The following CD99L2 variants were observed in gnomAD, a reference collection of about 807,000 sequenced individuals.
The protein encoded by CD99L2 is CD99 molecule like 2.
CD99L2 carries 24 observed loss-of-function variants against 27.3 expected under a neutral mutation model. The ratio of observed to expected loss-of-function variants is 0.88; its 90% CI spans 0.64 to 1.24. The LOEUF (loss-of-function observed/expected upper bound fraction) is 1.24, where lower values mean the gene tolerates loss of function less well. CD99L2 is among the 50% of genes most tolerant of loss of function. CD99L2 has a pLI of 0.00. For missense variants in CD99L2, 255 were observed against 221.6 expected, an observed-to-expected ratio of 1.15 and a Z score of -0.96; for synonymous variants, 97 against 87.9, an observed-to-expected ratio of 1.10 and a Z score of -0.58.
chrX:150,831,089 G>A (rs781837375), intron 2 of CD99L2, 142 bp downstream of exon 2: 18 of 482,024 alleles, frequency 3.7e-5, no homozygotes, highest in South Asian at 3.1e-4. Context: ...GATTACAGGC[G>A]TGAGCTACCG....
At chrX:150,882,362 G>A (rs1603317505) in intron 1 of CD99L2, among the ~76,000 whole-genome samples, 1 of 112,368 alleles carries the variant, frequency 8.9e-6, no homozygotes, top group South Asian at 3.7e-4. Flanking sequence ...CAAATATTAT[G>A]TACAAAGATA....
chrX:150,887,737 A>G (rs1557422669), intron 1 of CD99L2, among the ~76,000 whole-genome samples: 1 of 111,753 alleles, frequency 8.9e-6, no homozygotes, highest in East Asian at 2.8e-4. Flanking sequence ...CAGCTGATCC[A>G]TCCCCCGCTC....
intron 2 of CD99L2, among the ~76,000 whole-genome samples, chrX:150,820,988 A>T (rs1377901857): frequency 2.7e-5 from 3 of 112,370 alleles, no homozygotes; most frequent in Non-Finnish European, 5.6e-5. Flanking sequence ...CATGTACACT[A>T]AAAGTTACAA....
At chrX:150,772,375 CTG>C (rs1557419124) in intron 9 of CD99L2, among the ~76,000 whole-genome samples, 1 of 112,819 alleles carries the variant, frequency 8.9e-6, no homozygotes, top group African/African-American at 3.2e-5. Flanking sequence ...CTGGGAGAGG[CTG>C]CTCCAGGCCT....
At chrX:150,831,554 C>G (rs1194254312) in intron 1 of CD99L2, among the ~76,000 whole-genome samples, 3 of 111,063 alleles carry the variant, frequency 2.7e-5, no homozygotes, top group Non-Finnish European at 5.7e-5. Flanking sequence ...GATGAGAACA[C>G]ATGAACACAT....
intron 4 of CD99L2, among the ~76,000 whole-genome samples, chrX:150,814,212 C>G (rs781927335): frequency 1.6e-4 from 18 of 112,395 alleles, no homozygotes; most frequent in Non-Finnish European, 2.3e-4. Context: ...ACCAAGTGTG[C>G]AAAGTTCACT....
chrX:150,855,419 A>G (rs782358327), intron 1 of CD99L2, among the ~76,000 whole-genome samples: 50 of 111,887 alleles, frequency 4.5e-4, no homozygotes, highest in Middle Eastern at 4.6e-3. Flanking sequence ...ACTTACAGTC[A>G]TGGTGGTAGG....
intron 4 of CD99L2, among the ~76,000 whole-genome samples, chrX:150,801,636 T>C (rs2045908964): frequency 9.0e-6 from 1 of 110,503 alleles, no homozygotes; most frequent in Admixed American, 9.6e-5. Context: ...AAAAAAAACA[T>C]ATAGACTAAT....
chrX:150,780,819 G>T (rs183506830), intron 7 of CD99L2, among the ~76,000 whole-genome samples: 189 of 112,408 alleles, frequency 1.7e-3, no homozygotes, highest in African/African-American at 5.9e-3. Context: ...ATAGCATTTT[G>T]CTCTGAACAA....
At chrX:150,825,351 T>C (rs2046352836) in intron 2 of CD99L2, among the ~76,000 whole-genome samples, 1 of 112,468 alleles carries the variant, frequency 8.9e-6, no homozygotes, top group African/African-American at 3.2e-5. Flanking sequence ...ATTTTCAGAC[T>C]CTCAATTCTA....
intron 8 of CD99L2, chrX:150,777,135 G>C (rs190705430): frequency 2.6e-4 from 85 of 332,947 alleles, no homozygotes; most frequent in Middle Eastern, 8.5e-4. Context: ...TGTATCAGGG[G>C]AGCAGAGGGA....
chrX:150,888,767 G>C (rs1603323338), intron 1 of CD99L2, among the ~76,000 whole-genome samples: 5 of 111,677 alleles, frequency 4.5e-5, no homozygotes. Context: ...GCCACATTTG[G>C]GTGTTCCAGT....
chrX:150,785,542 C>T (rs1308387944), intron 7 of CD99L2, among the ~76,000 whole-genome samples: 1 of 111,441 alleles, frequency 9.0e-6, no homozygotes, highest in Admixed American at 9.6e-5. Context: ...AAATCTTCCA[C>T]GTACCAGTGG....
At chrX:150,828,087 G>T (rs2046391273) in intron 2 of CD99L2, among the ~76,000 whole-genome samples, 1 of 111,716 alleles carries the variant, frequency 9.0e-6, no homozygotes, top group Non-Finnish European at 1.9e-5. Context: ...TTTCAAGATT[G>T]TTTGGCTATT....
chrX:150,883,112 C>A (rs1446944635), intron 1 of CD99L2, among the ~76,000 whole-genome samples: 1 of 112,228 alleles, frequency 8.9e-6, no homozygotes, highest in African/African-American at 3.2e-5. Flanking sequence ...TCGCTTGAAG[C>A]CGGGAGGCGG....
At chrX:150,865,188 G>A (rs782119028) in intron 1 of CD99L2, among the ~76,000 whole-genome samples, 2 of 111,256 alleles carry the variant, frequency 1.8e-5, no homozygotes, top group Admixed American at 9.6e-5. Flanking sequence ...GGATAAAGGG[G>A]AATATAATGT....
At chrX:150,828,458 C>G (rs1289050713) in intron 2 of CD99L2, 1 of 111,414 alleles carries the variant, frequency 9.0e-6, no homozygotes, top group African/African-American at 3.3e-5. Flanking sequence ...GGTGACAGTT[C>G]AGAAGTGGCA....
At chrX:150,854,282 C>T (rs1557421674) in intron 1 of CD99L2, among the ~76,000 whole-genome samples, 1 of 111,608 alleles carries the variant, frequency 9.0e-6, no homozygotes, top group East Asian at 2.8e-4. Context: ...CTGAAATTAT[C>T]CTGTCTGTTT....
At chrX:150,865,356 G>T (rs2047044856) in intron 1 of CD99L2, among the ~76,000 whole-genome samples, 1 of 110,311 alleles carries the variant, frequency 9.1e-6, no homozygotes, top group East Asian at 2.9e-4. Context: ...AATTAGCCAG[G>T]CATGGCAGGG....
Sources: gnomAD v4.1 joint callset for allele counts (sites outside exome capture counted in the v4.1 genomes callset) on GRCh38, gnomAD v4.1.1 for gene constraint, MANE v1.5 for transcripts, NCBI Gene and HGNC (gene_info 2026-07-23, HGNC 2026-07-21) for gene names.